Variants in CFAP20DC observed in about 807,000 individuals in gnomAD.
CFAP20DC encodes protein CFAP20DC.
CFAP20DC carries 84 observed loss-of-function variants against 101.7 expected under a neutral mutation model. The ratio of observed to expected loss-of-function variants is 0.83; its 90% confidence interval spans 0.69 to 0.99. The LOEUF (loss-of-function observed/expected upper bound fraction) is 0.99, where lower values mean the gene tolerates loss of function less well. CFAP20DC is among the 50% of genes least tolerant of loss of function. The pLI is 0.00. For synonymous variants in CFAP20DC, 359 were observed against 351.2 expected, an observed-to-expected ratio of 1.02 and a Z score of -0.25; for missense variants, 1,007 against 970.3, an observed-to-expected ratio of 1.04 and a Z score of -0.50.
intron 15 of CFAP20DC, among the ~76,000 whole-genome samples, chr3:58,786,882 CTTG>C (rs1468794083): frequency 1.3e-5 from 2 of 151,522 alleles, no homozygotes; most frequent in African/African-American, 2.4e-5. Context: ...TATTATTATT[CTTG>C]TTAATATCTT....
chr3:59,020,259 C>T (rs1042008441), intron 4 of CFAP20DC, among the ~76,000 whole-genome samples: 36 of 151,666 alleles, frequency 2.4e-4, no homozygotes, highest in Admixed American at 9.8e-4. Flanking sequence ...GCTCTCAATG[C>T]TTATTAAGAG....
intron 15 of CFAP20DC, among the ~76,000 whole-genome samples, chr3:58,774,580 A>T (rs910887751): frequency 1.3e-5 from 2 of 152,220 alleles, no homozygotes; most frequent in African/African-American, 2.4e-5. Flanking sequence ...GTGATGTGAG[A>T]CTTCTCAGTT....
chr3:58,995,975 A>AATCAATCTATCTATCTATCTATCT (rs370222448), intron 4 of CFAP20DC, among the ~76,000 whole-genome samples: 4 of 145,160 alleles, frequency 2.8e-5, no homozygotes, highest in Admixed American at 6.9e-5. Flanking sequence ...CTGTATAATA[A>AATCAATCTATCTATCTATCTATCT]ATCTATCTAT....
At position 58,849,297 on chromosome 3, in the gene CFAP20DC, T is replaced by G. The variant is rs1188682662; in HGVS notation, c.1706A>C (p.Tyr569Ser). ...TGCTTCTGTGTAGGCGCTCCTTAGA[T>G]ATTCCTTACTTGTCCGCTTTGCAGC... Reference protein sequence around the residue: ...GKAAKRTSKEYLRSAYTEAGA... With the variant: ...GKAAKRTSKESLRSAYTEAGA... Residue 569 changes from tyrosine (Y) to serine (S), a missense_variant, in exon 13 of 17, where the codon TAT becomes TCT. By Grantham distance (144) the Tyr-to-Ser change is moderately radical (BLOSUM62 -2). Coordinates refer to ENST00000482387, the MANE Select transcript of CFAP20DC (RefSeq NM_001394063.1). The G allele has an allele frequency of 1.3e-6, 2 of 1,536,142 alleles. No homozygotes were observed. Among genetic ancestry groups the G allele is most frequent in the Non-Finnish European group, 1.7e-6 (2 of 1,146,912 alleles).
chr3:58,865,690 CA>C (rs2079630972), intron 11 of CFAP20DC, among the ~76,000 whole-genome samples: 1 of 152,122 alleles, frequency 6.6e-6, no homozygotes, highest in Admixed American at 6.5e-5. Flanking sequence ...AGAAATGTTA[CA>C]AAAGTCAATA....
intron 4 of CFAP20DC, among the ~76,000 whole-genome samples, chr3:58,938,492 A>G (rs899311855): frequency 1.3e-5 from 2 of 152,182 alleles, no homozygotes; most frequent in Admixed American, 6.5e-5. Context: ...CTGCTATATT[A>G]TAGAATTGAT....
rs1208074269 is a variant in CFAP20DC, at chr3:59,006,951, G to A, written c.278+32606C>T. ...CGTGGAAGCTTATGGCCTGGGGCAG[G>A]TCTGAGTTTTGTGAGCAGGCTAACT... On this transcript the variant is annotated intron_variant, in intron 4 of 16. Coordinates refer to ENST00000482387, the MANE Select transcript of CFAP20DC (RefSeq NM_001394063.1). The surrounding 1 kb of genome is among the most constrained non-coding windows in gnomAD (Gnocchi z 4.3). 6.6e-6 allele frequency among the ~76,000 whole-genome samples: 1 copy of A among 152,192 alleles called. No homozygotes were observed. Among genetic ancestry groups the A allele is most frequent in the Non-Finnish European group, 1.5e-5 (1 of 68,030 alleles).
chr3:58,796,953 G>A (rs529402284), intron 15 of CFAP20DC, among the ~76,000 whole-genome samples: 1 of 152,178 alleles, frequency 6.6e-6, no homozygotes, highest in East Asian at 1.9e-4. Context: ...CATATAAGAT[G>A]GCAAATTTAG....
chr3:59,012,897 A>C (rs1576710193), intron 4 of CFAP20DC, among the ~76,000 whole-genome samples: 2 of 152,212 alleles, frequency 1.3e-5, no homozygotes, highest in East Asian at 3.8e-4. Context: ...GTGGTTTATT[A>C]ATATGGCAAG....
chr3:58,827,121 C>T (rs966897393), intron 14 of CFAP20DC, among the ~76,000 whole-genome samples: 4 of 152,016 alleles, frequency 2.6e-5, no homozygotes, highest in Non-Finnish European at 5.9e-5. Context: ...AATGATGTGT[C>T]AATGGAGGTT....
At position 58,843,658 on chromosome 3, in the gene CFAP20DC, G is replaced by C. The variant is rs1040106508; in HGVS notation, c.1971+5374C>G. ...CCAACGTTCAGATTCAGGAAATACAGAGAATGCCACAAAGATACTCCTCGA... is the reference window on the plus strand; with the variant it reads ...CCAACGTTCAGATTCAGGAAATACACAGAATGCCACAAAGATACTCCTCGA... On this transcript the variant is annotated intron_variant, in intron 13 of 16. Transcript: ENST00000482387. 6.6e-5 allele frequency among the ~76,000 whole-genome samples: 10 copies of C among 151,630 alleles called. No homozygotes were observed. In the East Asian group the frequency reaches 1.9e-3, roughly 30 times the overall value.
At chr3:58,827,204 C>T (rs2076098350) in intron 14 of CFAP20DC, among the ~76,000 whole-genome samples, 1 of 151,876 alleles carries the variant, frequency 6.6e-6, no homozygotes, top group African/African-American at 2.4e-5. Flanking sequence ...TGCTGTGAAC[C>T]CAAAACGGCT....
rs2093469679 is a variant in CFAP20DC, at chr3:59,007,669, G to A, written c.278+31888C>T. Among the ~76,000 whole-genome samples the A allele has an allele frequency of 6.6e-6, 1 of 152,210 alleles. No individual in the cohort carries two copies. The highest frequency in any genetic ancestry group is 6.5e-5 in the Admixed American group (1 of 15,290). Reference sequence around the variant, plus strand: ...TGCTGGTATCATGGCTGGGAGACCTGACGACAGATCACATCACAGGACTCT... The same window carrying A: ...TGCTGGTATCATGGCTGGGAGACCTAACGACAGATCACATCACAGGACTCT... On this transcript the variant is annotated intron_variant, in intron 4 of 16. Transcript: ENST00000482387. This position sits in a 1 kb window ranked among gnomAD's most constrained non-coding sequence, Gnocchi z 4.4.
Position 58,913,979 on chromosome 3 carries a change from CAAACT to C in CFAP20DC, c.394-120_394-116del, listed in dbSNP as rs1325834938. On this transcript the variant is annotated intron_variant, in intron 5 of 16. Coordinates refer to ENST00000482387, the MANE Select transcript of CFAP20DC (RefSeq NM_001394063.1). This position sits in a 1 kb window ranked among gnomAD's most constrained non-coding sequence, Gnocchi z 4.4. ...GGCAGTTATCCTGATCAACAAGCCC[CAAACT>C]AATTTTCCTCTTTAGGTAAACTTAT... 32 of 1,104,844 alleles carry C rather than the reference CAAACT, an allele frequency of 2.9e-5. No individual in the cohort carries two copies. The highest frequency in any genetic ancestry group is 4.1e-5 in the Non-Finnish European group (32 of 773,316). 68.4% of individuals were successfully genotyped at this position (1,104,844 alleles called of 1,614,324 possible).
intron 3 of CFAP20DC, among the ~76,000 whole-genome samples, chr3:58,720,812 G>C (rs2067462727): frequency 6.6e-6 from 1 of 152,132 alleles, no homozygotes; most frequent in Non-Finnish European, 1.5e-5. Flanking sequence ...CATTCACACT[G>C]AGAAATATTT....
At chr3:58,803,927 A>G (rs1023529520) in intron 15 of CFAP20DC, among the ~76,000 whole-genome samples, 5 of 152,326 alleles carry the variant, frequency 3.3e-5, no homozygotes, top group East Asian at 1.9e-4. Flanking sequence ...TCTTGACAGT[A>G]TATCTTTGGA....
At chr3:58,862,117 T>C (rs1470533672) in intron 12 of CFAP20DC, 5 of 942,844 alleles carry the variant, frequency 5.3e-6, no homozygotes, top group Non-Finnish European at 6.3e-6. Flanking sequence ...AGATTATCCA[T>C]AATACTTCTC....
intron 16 of CFAP20DC, among the ~76,000 whole-genome samples, chr3:58,746,816 G>A (rs529476348): frequency 6.6e-6 from 1 of 152,148 alleles, no homozygotes; most frequent in African/African-American, 2.4e-5. Flanking sequence ...AGTGCTTTAA[G>A]CTTACATAAA....
At chr3:58,901,754 T>C (rs1024877505) in intron 6 of CFAP20DC, among the ~76,000 whole-genome samples, 3 of 152,228 alleles carry the variant, frequency 2.0e-5, no homozygotes, top group African/African-American at 7.2e-5. Context: ...AAAAATGCTT[T>C]ATTGAAGAGA....
Sources: gnomAD v4.1 joint callset for allele counts (sites outside exome capture counted in the v4.1 genomes callset) on GRCh38, gnomAD v4.1.1 for gene constraint, Gnocchi (gnomAD v3.1) non-coding constraint, MANE v1.5 for transcripts, NCBI Gene and HGNC (gene_info 2026-07-23, HGNC 2026-07-21) for gene names.